Variants in WHAMM observed in about 807,000 individuals in gnomAD.
The protein encoded by WHAMM is WASP homolog-associated protein with actin, membranes and microtubules.
A neutral mutation model predicts 76.5 loss-of-function variants in WHAMM; 67 were observed. That is an observed-to-expected ratio of 0.88 (90% confidence interval 0.72 to 1.07). WHAMM has a LOEUF of 1.07. WHAMM is among the 50% of genes least tolerant of loss of function. The probability of loss-of-function intolerance (pLI) is 0.00; values close to 1 mark genes in which losing one functional copy is unlikely to be tolerated. For missense variants in WHAMM, 1,021 were observed against 1,051.1 expected (o/e 0.97, Z 0.40); for synonymous variants, 419 against 422.1 (o/e 0.99, Z 0.09).
At position 82,823,138 on chromosome 15, in the gene WHAMM, A is replaced by G; in HGVS notation, c.1309A>G (p.Asn437Asp). 1 of 1,467,416 alleles carries G rather than the reference A, an allele frequency of 6.8e-7. No homozygotes were observed. The highest frequency in any genetic ancestry group is 1.4e-5 in the African/African-American group (1 of 70,748). The allele number at this position is 1,467,416 out of a possible 1,614,324, so 90.9% of individuals were successfully genotyped here. ...AGTTGTCTATTACGATCCATGTGAAAATCCAGAGGAACTTAAAGTCATTGA... is the reference window on the plus strand; with the variant it reads ...AGTTGTCTATTACGATCCATGTGAAGATCCAGAGGAACTTAAAGTCATTGA... ...DEVVYYDPCENPEELKVIDCV... is the reference protein window; with the variant it reads ...DEVVYYDPCEDPEELKVIDCV... The change falls in exon 6 of 10, where the codon AAT becomes GAT. Residue 437 changes from asparagine to aspartate, a missense_variant. Asn to Asp is a conservative substitution (Grantham distance 23). This residue lies in a region of WHAMM where 509 missense variants were observed against 492.3 expected (regional missense o/e 1.03). Transcript: ENST00000286760.
At position 82,830,729 on chromosome 15, in the gene WHAMM, G is replaced by C; in HGVS notation, c.1772G>C (p.Arg591Thr). The change falls in exon 9 of 10, where the codon AGG becomes ACG. Residue 591 changes from arginine to threonine, a missense_variant. This residue lies in a region of WHAMM where 509 missense variants were observed against 492.3 expected (regional missense o/e 1.03). Coordinates refer to ENST00000286760, the MANE Select transcript of WHAMM (RefSeq NM_001080435.3). ...GTGTCAGTAATTCACCCGTCCTCTA[G>C]GAAAACTAGAGGTGTTCCCCTATCG... is the stretch of plus-strand genomic sequence containing the variant. ...HAVSVIHPSS[R>T]KTRGVPLSEA... 1 of 1,613,914 alleles carries C rather than the reference G, an allele frequency of 6.2e-7. No homozygotes were observed. The highest frequency in any genetic ancestry group is 8.5e-7 in the Non-Finnish European group (1 of 1,179,874).
At chr15:82,827,455 T>TA (rs1372729079) in intron 8 of WHAMM, among the ~76,000 whole-genome samples, 27 of 152,140 alleles carry the variant, frequency 1.8e-4, no homozygotes, top group Admixed American at 1.7e-3. Flanking sequence ...TAAATTCCTT[T>TA]AAAAAAAGCT....
chr15:82,814,306 C>A (rs945785204), intron 2 of WHAMM, among the ~76,000 whole-genome samples: 24 of 152,218 alleles, frequency 1.6e-4, no homozygotes, highest in African/African-American at 5.8e-4. Context: ...CATATAATCT[C>A]ATGACCCTTG....
rs1221809575 is a variant in WHAMM, at chr15:82,813,157, C to G, written c.664C>G (p.Gln222Glu). The G allele has an allele frequency of 6.2e-7, 1 of 1,609,630 alleles. No individual in the cohort carries two copies. The highest frequency in any genetic ancestry group is 8.5e-7 in the Non-Finnish European group (1 of 1,178,828). ...NTMVALMNVY[Q>E]EEDEAYQELV... Reference sequence around the variant, plus strand: ...CATGGTAGCATTAATGAACGTTTACCAAGAGGAAGATGAAGCATACCAGGA... The same window carrying G: ...CATGGTAGCATTAATGAACGTTTACGAAGAGGAAGATGAAGCATACCAGGA... Residue 222 changes from glutamine (Q) to glutamate (E), a missense_variant, in exon 2 of 10, where the codon CAA becomes GAA. Physicochemically the swap from Gln to Glu is conservative, Grantham distance 29. Transcript: ENST00000286760.
In WHAMM at chr15:82,810,345, G is replaced by T. The variant is rs1029294388; in HGVS notation, c.609+10G>T. ...CGCGCGGCTGCGCCAGGTAAGCGAG[G>T]CCCGGTCGCCGGCGTTCGTCCGCGC... On this transcript the variant is annotated intron_variant, in intron 1 of 9. Transcript: ENST00000286760. 8.0e-5 allele frequency: 104 copies of T among 1,306,030 alleles called. No homozygotes were observed. The highest frequency in any genetic ancestry group is 9.5e-5 in the Non-Finnish European group (98 of 1,032,342). The allele number at this position is 1,306,030 out of a possible 1,614,324, so 80.9% of individuals were successfully genotyped here.
chr15:82,826,724 T>C (rs2050941068), intron 7 of WHAMM, 27 bp from the exon 8 acceptor site: 1 of 1,529,896 alleles, frequency 6.5e-7, no homozygotes, highest in Non-Finnish European at 8.8e-7. Flanking sequence ...TTGAGCAATT[T>C]ACAAATATAC....
chr15:82,833,103 A>T, intron 9 of WHAMM, 126 bp from the exon 10 acceptor site: 1 of 1,123,560 alleles, frequency 8.9e-7, no homozygotes, highest in Non-Finnish European at 1.2e-6. Context: ...GCATTTGCTT[A>T]ATGAAGTGAT....
intron 6 of WHAMM, among the ~76,000 whole-genome samples, 159 bp downstream of exon 6, chr15:82,823,446 T>C (rs1260241294): frequency 1.3e-5 from 2 of 152,260 alleles, no homozygotes; most frequent in Non-Finnish European, 2.9e-5. Context: ...CTTTTAAATA[T>C]TTTTCTTAAA....
chr15:82,832,651 C>T (rs2051049088), intron 9 of WHAMM, among the ~76,000 whole-genome samples: 1 of 152,190 alleles, frequency 6.6e-6, no homozygotes, highest in Admixed American at 6.5e-5. Context: ...AGCACCACCC[C>T]TCCGGTGGCG....
At chr15:82,810,680 C>T in intron 1 of WHAMM, 4 of 985,440 alleles carry the variant, frequency 4.1e-6, no homozygotes, top group Non-Finnish European at 4.8e-6. Context: ...AACAACCCAT[C>T]CATGTAGGAA....
In WHAMM at chr15:82,810,248, C is replaced by G. The variant is rs1471900610; in HGVS notation, c.522C>G (p.Gly174=). 8.9e-5 allele frequency: 124 copies of G among 1,391,062 alleles called. No homozygotes were observed. The highest frequency in any genetic ancestry group is 1.1e-4 in the Non-Finnish European group (121 of 1,074,054). 86.2% of individuals were successfully genotyped at this position (1,391,062 alleles called of 1,614,324 possible). A position where few individuals can be genotyped will look rare whatever the true frequency, so the allele number is the denominator to read the frequency against. ...TVRDALFPAE[G]GAADCESPRE... ...GCGACGCACTCTTCCCGGCTGAGGGCGGCGCGGCCGACTGCGAAAGCCCGC... is the reference window on the plus strand; with the variant it reads ...GCGACGCACTCTTCCCGGCTGAGGGGGGCGCGGCCGACTGCGAAAGCCCGC... Residue 174 remains glycine (G), a synonymous_variant, in exon 1 of 10, where the codon GGC becomes GGG. Coordinates refer to ENST00000286760, the MANE Select transcript of WHAMM (RefSeq NM_001080435.3).
At chr15:82,815,017 G>T (rs1293786435) in intron 2 of WHAMM, among the ~76,000 whole-genome samples, 1 of 147,488 alleles carries the variant, frequency 6.8e-6, no homozygotes, top group African/African-American at 2.5e-5. Flanking sequence ...TGATCCGCCC[G>T]TCTCGGCCTC....
intron 2 of WHAMM, among the ~76,000 whole-genome samples, chr15:82,816,070 A>G (rs1209281064): frequency 3.3e-5 from 5 of 152,116 alleles, no homozygotes; most frequent in African/African-American, 4.8e-5. Flanking sequence ...AGAGCAGAGA[A>G]AGAGAGATCC....
At position 82,833,750 on chromosome 15, in the gene WHAMM, C is replaced by T. The variant is rs1295068630; in HGVS notation, c.*214C>T. 3 of 555,904 alleles carry T rather than the reference C, an allele frequency of 5.4e-6. No homozygotes were observed. The highest frequency in any genetic ancestry group is 4.6e-5 in the South Asian group (2 of 43,394). The allele number at this position is 555,904 out of a possible 1,614,324, so 34.4% of individuals were successfully genotyped here. A position where few individuals can be genotyped will look rare whatever the true frequency, so the allele number is the denominator to read the frequency against. On this transcript the variant is annotated 3_prime_UTR_variant, in exon 10 of 10. Transcript: ENST00000286760. ...TGTCGCCCAGGCTGGGGTGCAGTGG[C>T]GCCATCTCGGCTCACCGCAAGCTCC...
In WHAMM at chr15:82,809,682, C is replaced by T. The variant is rs751926518; in HGVS notation, c.-45C>T. 3 of 1,336,916 alleles carry T rather than the reference C, an allele frequency of 2.2e-6. No individual in the cohort carries two copies. The highest frequency in any genetic ancestry group is 3.0e-5 in the East Asian group (1 of 33,492). 82.8% of individuals were successfully genotyped at this position (1,336,916 alleles called of 1,614,324 possible). A position where few individuals can be genotyped will look rare whatever the true frequency, so the allele number is the denominator to read the frequency against. On this transcript the variant is annotated 5_prime_UTR_variant, in exon 1 of 10. Transcript: ENST00000286760. ...CCCGTGACAGGCGGTGCGAGGAGGCCAGGCCCGCGCCCGCCGAGCCCTAGG... is the reference window on the plus strand; with the variant it reads ...CCCGTGACAGGCGGTGCGAGGAGGCTAGGCCCGCGCCCGCCGAGCCCTAGG...
In WHAMM at chr15:82,834,147, CTG is replaced by C. The variant is rs1459745450; in HGVS notation, c.*613_*614del. ...CCACCTCCCAGGTTCAAGCAATTCT[CTG>C]TCTCAGCCTCCCGAGTAGCTGGGAT... On this transcript the variant is annotated 3_prime_UTR_variant, in exon 10 of 10. Transcript: ENST00000286760. The C allele has an allele frequency of 1.3e-5, 2 of 152,642 alleles. No homozygotes were observed. Among genetic ancestry groups the C allele is most frequent in the Non-Finnish European group, 2.9e-5 (2 of 68,508 alleles). The allele number at this position is 152,642 out of a possible 1,614,324, so 9.5% of individuals were successfully genotyped here.
chr15:82,831,188 A>G (rs1214351408), intron 9 of WHAMM, 109 bp downstream of exon 9: 5 of 1,499,516 alleles, frequency 3.3e-6, no homozygotes, highest in Non-Finnish European at 3.5e-6. Context: ...ATAATTCTCT[A>G]TAGCCTTAAA....
Position 82,830,692 on chromosome 15 carries a change from G to A in WHAMM, c.1735G>A (p.Ala579Thr). Reference sequence around the variant, plus strand: ...TCTTTCCCAGCAGATGTGCTTGCCAGCTTCCCACGCGGTGTCAGTAATTCA... The same window carrying A: ...TCTTTCCCAGCAGATGTGCTTGCCAACTTCCCACGCGGTGTCAGTAATTCA... ...SDLSQQMCLP[A>T]SHAVSVIHPS... Residue 579 changes from alanine to threonine, a missense_variant, in exon 9 of 10, where the codon GCT becomes ACT. By Grantham distance (58) the Ala-to-Thr change is moderately conservative (BLOSUM62 0). Around this residue, in one of 3 missense-constraint regions of WHAMM, gnomAD observed 509 missense variants for 492.3 expected, o/e 1.03. Transcript: ENST00000286760. 1 of 1,613,994 alleles carries A rather than the reference G, an allele frequency of 6.2e-7. No homozygotes were observed. Among genetic ancestry groups the A allele is most frequent in the South Asian group, 1.1e-5 (1 of 91,088 alleles).
intron 4 of WHAMM, among the ~76,000 whole-genome samples, chr15:82,819,057 A>G (rs763918585): frequency 1.3e-5 from 2 of 152,200 alleles, no homozygotes; most frequent in Non-Finnish European, 2.9e-5. Flanking sequence ...GTGTCAACAT[A>G]CGAATTTTTG....
Sources: gnomAD v4.1 joint callset for allele counts (sites outside exome capture counted in the v4.1 genomes callset) on GRCh38, gnomAD v4.1.1 for gene constraint, gnomAD v4.1.1 regional missense constraint, MANE v1.5 for transcripts, NCBI Gene and HGNC (gene_info 2026-07-23, HGNC 2026-07-21) for gene names.